MFSD8: variants seen among roughly 807,000 people sequenced by gnomAD.
MFSD8 encodes major facilitator superfamily domain-containing protein 8.
Under a neutral mutation model 66.4 loss-of-function variants are expected in MFSD8, and 55 were observed. The observed-to-expected ratio is 0.83, with a 90% CI of 0.67 to 1.04. The LOEUF (loss-of-function observed/expected upper bound fraction) is 1.04, where lower values mean the gene tolerates loss of function less well. Among genes scored for constraint, MFSD8 ranks in the 50% least tolerant of loss-of-function variants. The pLI, the probability that MFSD8 is intolerant of heterozygous loss-of-function variation, is 0.00. For missense variants in MFSD8, 550 were observed against 627.6 expected (o/e 0.88, Z 1.32); for synonymous variants, 202 against 212.8 (o/e 0.95, Z 0.44).
At chr4:127,949,756 T>A in intron 3 of MFSD8, 48 bp downstream of exon 3, 1 of 1,501,790 alleles carries the variant, frequency 6.7e-7, no homozygotes, top group Non-Finnish European at 9.2e-7. Flanking sequence ...TACGTAAGAG[T>A]TACTACTACT....
rs1398806524 is a variant in MFSD8 at position 127,942,056 on chromosome 4, A to G, written c.542T>C (p.Ile181Thr). 1 of 1,613,634 alleles carries G rather than the reference A, an allele frequency of 6.2e-7. No homozygotes were observed. Among genetic ancestry groups the G allele is most frequent in the East Asian group, 2.2e-5 (1 of 44,870 alleles). The change falls in exon 5 of 12, where the codon ATT (isoleucine) becomes ACT (threonine). Residue 181 changes from isoleucine (I) to threonine (T), a missense_variant. By Grantham distance (89) the Ile-to-Thr change is moderately conservative. Coordinates refer to ENST00000641686, the MANE Select transcript of MFSD8 (RefSeq NM_001371596.2). ...NISMCQALGFILGPVFQTCFT... is the reference protein window; with the variant it reads ...NISMCQALGFTLGPVFQTCFT... ...TGAAGAACACCTACCTGGACCTAGA[A>G]TAAAACCTAATGCTTGACACATGCT...
chr4:127,957,513 G>A lies in MFSD8; in HGVS notation c.142C>T (p.Leu48Phe). The change falls in exon 2 of 12, where the codon CTC becomes TTC. Residue 48 changes from leucine to phenylalanine, a missense_variant. Transcript: ENST00000641686. Reference protein sequence around the residue: ...SIRILYLTMFLSSVGFSVVMM... With the variant: ...SIRILYLTMFFSSVGFSVVMM... ...TTCTAATACTTACCTACACTGCTGA[G>A]AAACATAGTAAGATATAAAATCCTA... The A allele has an allele frequency of 1.2e-6, 2 of 1,605,720 alleles. No individual in the cohort carries two copies. Among genetic ancestry groups the A allele is most frequent in the Non-Finnish European group, 1.7e-6 (2 of 1,172,912 alleles).
rs754356965 is a variant in MFSD8, at chr4:127,931,853, A to C, written c.864-1036T>G. Among the ~76,000 whole-genome samples, 175 of 152,302 alleles carry C rather than the reference A, an allele frequency of 1.1e-3. 5 individuals carry two copies. The highest frequency in any genetic ancestry group is 3.4e-3 in the Middle Eastern group (1 of 294). On this transcript the variant is annotated intron_variant, in intron 8 of 11. Coordinates refer to ENST00000641686, the MANE Select transcript of MFSD8 (RefSeq NM_001371596.2). The stretch of plus-strand genomic sequence containing the variant: ...GCCAGGCGCGGAGGCTCACGTCTGT[A>C]ATCCCAGCACTTTGGGAGGCCAAGG...
intron 5 of MFSD8, among the ~76,000 whole-genome samples, 166 bp from the exon 6 acceptor site, chr4:127,940,163 T>C (rs1739916896): frequency 6.6e-6 from 1 of 152,120 alleles, no homozygotes. Flanking sequence ...GTCAAAAAAT[T>C]TCCTCTTTTT....
upstream of MFSD8, chr4:127,965,472 C>T: frequency 2.2e-6 from 1 of 446,032 alleles, no homozygotes; most frequent in South Asian, 2.3e-5. Flanking sequence ...CTGTATCTAG[C>T]ATTTCGGTTC....
chr4:127,925,642 G>A (rs1453712844), intron 9 of MFSD8, among the ~76,000 whole-genome samples: 3 of 152,184 alleles, frequency 2.0e-5, no homozygotes, highest in African/African-American at 7.2e-5. Flanking sequence ...CTGTTGGTGG[G>A]AGTGTAAATT....
At chr4:127,965,250 T>G (rs1469681321), upstream of MFSD8, 5 of 1,337,612 alleles carry the variant, frequency 3.7e-6, no homozygotes, top group Non-Finnish European at 4.2e-6. Context: ...CACCTGACGG[T>G]CAGACGTAGG....
intron 3 of MFSD8, 65 bp downstream of exon 3, chr4:127,949,739 G>T: frequency 7.6e-7 from 1 of 1,320,072 alleles, no homozygotes; most frequent in Non-Finnish European, 1.1e-6. Context: ...TTTAGAAAAT[G>T]CTTAACTACG....
intron 1 of MFSD8, among the ~76,000 whole-genome samples, chr4:127,962,796 T>A (rs1257927511): frequency 6.6e-6 from 1 of 152,234 alleles, no homozygotes; most frequent in African/African-American, 2.4e-5. Flanking sequence ...CTCATTTTAA[T>A]GATCTCAAGA....
At chr4:127,962,309 A>T (rs936045146) in intron 1 of MFSD8, among the ~76,000 whole-genome samples, 8 of 152,084 alleles carry the variant, frequency 5.3e-5, no homozygotes, top group Non-Finnish European at 1.2e-4. Flanking sequence ...TTTACCAAAA[A>T]TACAAAAATT....
chr4:127,930,650 A>C, intron 9 of MFSD8, 33 bp downstream of exon 9: 1 of 1,610,860 alleles, frequency 6.2e-7, no homozygotes, highest in African/African-American at 1.3e-5. Flanking sequence ...TATTTTTTAA[A>C]AACAGACATA....
intron 9 of MFSD8, 135 bp from the exon 10 acceptor site, chr4:127,922,098 A>G (rs1736424503): frequency 2.1e-6 from 2 of 936,908 alleles, no homozygotes; most frequent in Non-Finnish European, 3.3e-6. Flanking sequence ...TGCTAAATAT[A>G]ATTTTCCACT....
intron 7 of MFSD8, chr4:127,933,722 T>C (rs996691517): frequency 6.6e-6 from 1 of 152,222 alleles, no homozygotes; most frequent in Non-Finnish European, 1.5e-5. Context: ...TCTGTTAACA[T>C]AGTGATCTCA....
At chr4:127,964,895 G>A (rs1191365248) in intron 1 of MFSD8, 177 bp downstream of exon 1, 12 of 740,736 alleles carry the variant, frequency 1.6e-5, no homozygotes, top group Non-Finnish European at 2.3e-5. Context: ...GCGGCCAGAC[G>A]CCCTTTCTCC....
chr4:127,965,459 C>T, upstream of MFSD8: 3 of 489,502 alleles, frequency 6.1e-6, no homozygotes, highest in South Asian at 2.1e-5. Flanking sequence ...GTTTCTCCTT[C>T]CGCTGTATCT....
chr4:127,947,343 G>A (rs566058659), intron 3 of MFSD8, among the ~76,000 whole-genome samples: 11 of 152,224 alleles, frequency 7.2e-5, no homozygotes, highest in African/African-American at 2.4e-4. Context: ...CACTTTGGGA[G>A]GCCGAGGTGG....
At chr4:127,931,829 CCAGGCGCGGAGGCT>C (rs1285060080) in intron 8 of MFSD8, among the ~76,000 whole-genome samples, 1 of 152,154 alleles carries the variant, frequency 6.6e-6, no homozygotes, top group Non-Finnish European at 1.5e-5. Context: ...CATGATAGTG[CCAGGCGCGGAGGCT>C]CACGTCTGTA....
chr4:127,955,494 C>G (rs1353731878), intron 2 of MFSD8, among the ~76,000 whole-genome samples: 1 of 146,296 alleles, frequency 6.8e-6, no homozygotes, highest in Non-Finnish European at 1.5e-5. Context: ...GAGCCAAGAT[C>G]ACACCACTGC....
chr4:127,940,910 G>A (rs911064690), intron 5 of MFSD8, among the ~76,000 whole-genome samples: 1 of 152,076 alleles, frequency 6.6e-6, no homozygotes, highest in African/African-American at 2.4e-5. Flanking sequence ...CACAATAAAT[G>A]TTAGTGCTTG....
Sources: allele counts gnomAD v4.1 joint callset (sites outside exome capture counted in the v4.1 genomes callset), GRCh38; gene constraint gnomAD v4.1.1; transcripts MANE v1.5; gene names NCBI Gene and HGNC (gene_info 2026-07-23, HGNC 2026-07-21).